Variants in KCNIP4 observed in about 807,000 individuals in gnomAD.
KCNIP4 encodes the protein Kv channel-interacting protein 4.
KCNIP4 carries 12 observed loss-of-function variants against 34.0 expected under a neutral mutation model. The observed-to-expected ratio is 0.35, with a 90% confidence interval of 0.23 to 0.57. The LOEUF (loss-of-function observed/expected upper bound fraction) is 0.57, where lower values mean the gene tolerates loss of function less well. Ranked by LOEUF, KCNIP4 falls within the 20% of genes least tolerant of loss-of-function variation. The pLI, the probability that KCNIP4 is intolerant of heterozygous loss-of-function variation, is 0.83. For missense variants in KCNIP4, 238 were observed against 311.7 expected (o/e 0.76, Z 1.78); for synonymous variants, 124 against 102.2 (o/e 1.21, Z -1.29).
intron 1 of KCNIP4, among the ~76,000 whole-genome samples, chr4:21,296,610 A>G (rs548551819): frequency 2.6e-5 from 4 of 151,826 alleles, no homozygotes; most frequent in Non-Finnish European, 5.9e-5. Context: ...GTGCTTATCC[A>G]ATGTCTACAG....
intron 3 of KCNIP4, among the ~76,000 whole-genome samples, chr4:20,844,362 A>AT (rs1429047825): frequency 3.3e-5 from 5 of 152,204 alleles, no homozygotes; most frequent in Non-Finnish European, 7.3e-5. Flanking sequence ...AAGTACATGA[A>AT]TAACACTTTG....
At chr4:21,410,846 T>C (rs996169737) in intron 1 of KCNIP4, among the ~76,000 whole-genome samples, 6 of 152,184 alleles carry the variant, frequency 3.9e-5, no homozygotes, top group Non-Finnish European at 7.3e-5. Context: ...AGATATCCTG[T>C]AGGTACCTGA....
At chr4:21,214,431 C>CA (rs1485908687) in intron 1 of KCNIP4, among the ~76,000 whole-genome samples, 3 of 151,806 alleles carry the variant, frequency 2.0e-5, no homozygotes, top group African/African-American at 4.8e-5. Context: ...ACTTCCCCGT[C>CA]AAAAAAAATT....
intron 1 of KCNIP4, among the ~76,000 whole-genome samples, chr4:21,708,116 C>T (rs995734186): frequency 5.3e-5 from 8 of 152,060 alleles, no homozygotes; most frequent in Non-Finnish European, 1.2e-4. Context: ...TACTCAGATG[C>T]ATTTTCTCAG....
At chr4:21,467,791 T>C (rs1730121927) in intron 1 of KCNIP4, among the ~76,000 whole-genome samples, 1 of 152,204 alleles carries the variant, frequency 6.6e-6, no homozygotes, top group Admixed American at 6.5e-5. Flanking sequence ...TCTGAGACTC[T>C]CTCCCACTTA....
At chr4:21,174,602 C>A (rs1369934411) in intron 1 of KCNIP4, among the ~76,000 whole-genome samples, 2 of 151,990 alleles carry the variant, frequency 1.3e-5, no homozygotes, top group Non-Finnish European at 2.9e-5. Flanking sequence ...ATATTACTTT[C>A]AAAAATGCAT....
intron 1 of KCNIP4, among the ~76,000 whole-genome samples, chr4:21,218,540 G>A (rs1023281539): frequency 1.3e-5 from 2 of 152,026 alleles, no homozygotes; most frequent in Non-Finnish European, 2.9e-5. Flanking sequence ...ATAAATCAAT[G>A]GGTCTCAGTT....
At chr4:21,731,730 T>C (rs1387685370) in intron 1 of KCNIP4, among the ~76,000 whole-genome samples, 2 of 152,178 alleles carry the variant, frequency 1.3e-5, no homozygotes, top group East Asian at 3.9e-4. Context: ...TCCTCTGATA[T>C]ACAGGACATA....
At position 21,640,680 on chromosome 4, in the gene KCNIP4, G is replaced by A. The variant is rs1163753670; in HGVS notation, c.61+307891C>T. Among the ~76,000 whole-genome samples the A allele has an allele frequency of 2.6e-5, 4 of 152,078 alleles. No homozygotes were observed. In the East Asian group the frequency reaches 7.7e-4, roughly 29 times the overall value. ...TAAATTCAGAATCTCTGCTTAATGA[G>A]TTTCTTTGGATTTGGGAGGCAATAC... On this transcript the variant is annotated intron_variant, in intron 1 of 8. Coordinates refer to ENST00000382152, the MANE Select transcript of KCNIP4 (RefSeq NM_025221.6).
chr4:21,001,077 A>G (rs1214082749), intron 1 of KCNIP4, among the ~76,000 whole-genome samples: 2 of 152,340 alleles, frequency 1.3e-5, no homozygotes, highest in East Asian at 3.9e-4. Context: ...CATGATTCCC[A>G]GCACTGAGAA....
chr4:20,949,736 T>C (rs1452466823), intron 1 of KCNIP4, among the ~76,000 whole-genome samples: 2 of 151,790 alleles, frequency 1.3e-5, no homozygotes, highest in Non-Finnish European at 2.9e-5. Context: ...GAAATAACCA[T>C]TCTCAGTAAA....
At chr4:21,308,025 C>A (rs1712681153) in intron 1 of KCNIP4, among the ~76,000 whole-genome samples, 1 of 152,206 alleles carries the variant, frequency 6.6e-6, no homozygotes, top group African/African-American at 2.4e-5. Context: ...AAGAACACTG[C>A]AGTCTAAATA....
intron 1 of KCNIP4, among the ~76,000 whole-genome samples, chr4:21,247,974 T>C (rs1046789166): frequency 4.7e-5 from 5 of 106,688 alleles, no homozygotes; most frequent in Non-Finnish European, 7.0e-5. Context: ...TACACACACA[T>C]ATATATATAC....
intron 1 of KCNIP4, among the ~76,000 whole-genome samples, chr4:21,138,783 A>G (rs367640871): frequency 1.1e-4 from 16 of 152,186 alleles, no homozygotes; most frequent in African/African-American, 3.4e-4. Flanking sequence ...TGTCAGGGCA[A>G]TGCAGTATGA....
At chr4:20,915,433 A>T (rs1237101800) in intron 1 of KCNIP4, among the ~76,000 whole-genome samples, 1 of 152,202 alleles carries the variant, frequency 6.6e-6, no homozygotes, top group Non-Finnish European at 1.5e-5. Context: ...AAGTAACTAA[A>T]AGATAATTTT....
chr4:20,957,067 G>A (rs1733388129), intron 1 of KCNIP4, among the ~76,000 whole-genome samples: 2 of 152,018 alleles, frequency 1.3e-5, no homozygotes, highest in South Asian at 4.1e-4. Flanking sequence ...AGAAAAAGTG[G>A]AAGAAAAGAA....
At position 20,729,319 on chromosome 4, in the gene KCNIP4, G is replaced by GATACTAATGATTGATACAATAGAAAA. The variant is rs1192847609; in HGVS notation, c.*737_*762dup. 6.6e-6 allele frequency: 1 copy of GATACTAATGATTGATACAATAGAAAA among 151,254 alleles called. No homozygotes were observed. Among genetic ancestry groups the GATACTAATGATTGATACAATAGAAAA allele is most frequent in the African/African-American group, 2.4e-5 (1 of 41,168 alleles). The allele number at this position is 151,254 out of a possible 1,614,324, so 9.4% of individuals were successfully genotyped here. On this transcript the variant is annotated 3_prime_UTR_variant, in exon 9 of 9. Coordinates refer to ENST00000382152, the MANE Select transcript of KCNIP4 (RefSeq NM_025221.6). ...CTTCTTCAACTTCCACTTAATGATTGATACTAATGATTGATACAATAGAAA... is the reference window on the plus strand; with the variant it reads ...CTTCTTCAACTTCCACTTAATGATTGATACTAATGATTGATACAATAGAAAAATACTAATGATTGATACAATAGAAA...
intron 3 of KCNIP4, among the ~76,000 whole-genome samples, chr4:20,842,519 T>G (rs755949986): frequency 5.7e-5 from 8 of 140,860 alleles, no homozygotes; most frequent in Non-Finnish European, 1.2e-4. Flanking sequence ...TGACTTATAG[T>G]AGATGTTCAA....
At chr4:21,196,258 T>G (rs1326129512) in intron 1 of KCNIP4, among the ~76,000 whole-genome samples, 1 of 152,226 alleles carries the variant, frequency 6.6e-6, no homozygotes. Context: ...ATAGAACACA[T>G]GTTTTCTGTT....
Sources: allele counts gnomAD v4.1 joint callset (sites outside exome capture counted in the v4.1 genomes callset), GRCh38; gene constraint gnomAD v4.1.1; transcripts MANE v1.5; gene names NCBI Gene and HGNC (gene_info 2026-07-23, HGNC 2026-07-21).